CPED1: variants seen among roughly 807,000 people sequenced by gnomAD.
CPED1 encodes the protein cadherin-like and PC-esterase domain-containing protein 1.
Under a neutral mutation model 128.2 loss-of-function variants are expected in CPED1, and 114 were observed. That is an observed-to-expected ratio of 0.89 (90% confidence interval 0.76 to 1.04). The LOEUF (loss-of-function observed/expected upper bound fraction) is 1.04, where lower values mean the gene tolerates loss of function less well. CPED1 is among the 50% of genes least tolerant of loss of function. The pLI, the probability that CPED1 is intolerant of heterozygous loss-of-function variation, is 0.00. For missense variants in CPED1, 1,211 were observed against 1,207.1 expected (o/e 1.00, Z -0.05); for synonymous variants, 462 against 426.7 (o/e 1.08, Z -1.02).
chr7:121,125,580 G>A (rs971031829), intron 8 of CPED1, among the ~76,000 whole-genome samples: 2 of 152,060 alleles, frequency 1.3e-5, no homozygotes, highest in Non-Finnish European at 2.9e-5. Flanking sequence ...CTGTTCCTGG[G>A]TTAGTTTGCT....
chr7:121,179,181 T>C (rs1390668344), intron 16 of CPED1, among the ~76,000 whole-genome samples: 1 of 152,054 alleles, frequency 6.6e-6, no homozygotes, highest in African/African-American at 2.4e-5. Context: ...GGCCTAGTCA[T>C]TTAGAAGGTT....
At chr7:121,086,592 T>C (rs1426247676) in intron 5 of CPED1, among the ~76,000 whole-genome samples, 1 of 152,172 alleles carries the variant, frequency 6.6e-6, no homozygotes, top group Non-Finnish European at 1.5e-5. Flanking sequence ...CAACTCAGAC[T>C]CCTGGGACTG....
chr7:121,170,594 T>C (rs1796630189), intron 16 of CPED1, among the ~76,000 whole-genome samples: 1 of 152,204 alleles, frequency 6.6e-6, no homozygotes, highest in Non-Finnish European at 1.5e-5. Flanking sequence ...GCTACAGTGC[T>C]GATTAAAATA....
Position 121,003,093 on chromosome 7 carries a change from A to G in CPED1, c.250-12572A>G, listed in dbSNP as rs951072295. Among the ~76,000 whole-genome samples, 13 of 152,222 alleles carry G rather than the reference A, an allele frequency of 8.5e-5. 1 individual carries two copies. The highest frequency in any genetic ancestry group is 2.0e-4 in the Admixed American group (3 of 15,274). On this transcript the variant is annotated intron_variant, in intron 2 of 22. Coordinates refer to ENST00000310396, the MANE Select transcript of CPED1 (RefSeq NM_024913.5). ...TGTAAGTTCATTGCGTATTCAGTAT[A>G]GAACTCTCTGTGGTGGTCAGCAGTC...
At chr7:121,265,633 G>A (rs1218649294) in intron 18 of CPED1, among the ~76,000 whole-genome samples, 1 of 152,052 alleles carries the variant, frequency 6.6e-6, no homozygotes, top group African/African-American at 2.4e-5. Flanking sequence ...CACTAGTGCA[G>A]GTTTGAGGCA....
At chr7:121,129,321 A>ATATATACGTATG (rs1795602852) in intron 11 of CPED1, among the ~76,000 whole-genome samples, 1 of 132,260 alleles carries the variant, frequency 7.6e-6, no homozygotes, top group Non-Finnish European at 1.6e-5. Context: ...ACGTATATAT[A>ATATATACGTATG]TATATATATA....
At chr7:121,205,228 C>T (rs1396760677) in intron 16 of CPED1, among the ~76,000 whole-genome samples, 6 of 152,016 alleles carry the variant, frequency 3.9e-5, no homozygotes, top group Non-Finnish European at 7.4e-5. Flanking sequence ...ATTAGAAATA[C>T]TGTCCTTTAT....
intron 12 of CPED1, among the ~76,000 whole-genome samples, chr7:121,131,149 C>T (rs1795656215): frequency 6.6e-6 from 1 of 152,082 alleles, no homozygotes; most frequent in Non-Finnish European, 1.5e-5. Context: ...TTACATTTCA[C>T]TTCTTTCTGC....
chr7:121,146,347 G>A (rs1249643343), intron 16 of CPED1, among the ~76,000 whole-genome samples: 1 of 152,138 alleles, frequency 6.6e-6, no homozygotes, highest in Non-Finnish European at 1.5e-5. Context: ...GAACTCTCAT[G>A]ATTTAATCAC....
rs1051943344 is a variant in CPED1, at chr7:121,146,048, G to T, written c.2055+3907G>T. Among the ~76,000 whole-genome samples the T allele has an allele frequency of 6.6e-5, 10 of 152,028 alleles. 1 individual carries two copies. Among genetic ancestry groups the T allele is most frequent in the Non-Finnish European group, 5.9e-5 (4 of 68,004 alleles). On this transcript the variant is annotated intron_variant, in intron 16 of 22. Coordinates refer to ENST00000310396, the MANE Select transcript of CPED1 (RefSeq NM_024913.5). Reference sequence around the variant, plus strand: ...CATTATTAAATTTTAAATAAACATTGTCTTAACATATTTGTGCTGCTCTAA... The same window carrying T: ...CATTATTAAATTTTAAATAAACATTTTCTTAACATATTTGTGCTGCTCTAA...
chr7:121,153,641 C>T (rs1796210105), intron 16 of CPED1, among the ~76,000 whole-genome samples: 2 of 152,130 alleles, frequency 1.3e-5, no homozygotes, highest in African/African-American at 4.8e-5. Context: ...GTAGCAGAAA[C>T]CATTTTTGAA....
chr7:121,280,199 C>T (rs1334625788), intron 22 of CPED1, among the ~76,000 whole-genome samples: 1 of 152,174 alleles, frequency 6.6e-6, no homozygotes, highest in Non-Finnish European at 1.5e-5. Flanking sequence ...GAGGAATTAG[C>T]TTATGCTAAG....
At chr7:121,204,713 C>A (rs1797480111) in intron 16 of CPED1, among the ~76,000 whole-genome samples, 1 of 152,152 alleles carries the variant, frequency 6.6e-6, no homozygotes, top group African/African-American at 2.4e-5. Context: ...ATAAACAGAA[C>A]ATTACAGCTT....
intron 5 of CPED1, among the ~76,000 whole-genome samples, chr7:121,082,008 G>GTATA (rs1794307390): frequency 1.3e-5 from 2 of 152,084 alleles, no homozygotes; most frequent in South Asian, 4.1e-4. Context: ...ATGTATGTAT[G>GTATA]TTTTGATATG....
At chr7:121,290,720 A>G (rs1242366411) in intron 22 of CPED1, among the ~76,000 whole-genome samples, 84 of 152,214 alleles carry the variant, frequency 5.5e-4, no homozygotes, top group Non-Finnish European at 5.9e-5. Flanking sequence ...TTAGATGGAC[A>G]GATTGCAAAA....
At chr7:121,184,821 G>A (rs1247195173) in intron 16 of CPED1, among the ~76,000 whole-genome samples, 2 of 152,172 alleles carry the variant, frequency 1.3e-5, no homozygotes, top group Admixed American at 1.3e-4. Flanking sequence ...ACAATTGAGT[G>A]TCTTTAACAA....
intron 16 of CPED1, among the ~76,000 whole-genome samples, chr7:121,168,278 C>G (rs532141842): frequency 2.6e-5 from 4 of 152,116 alleles, no homozygotes; most frequent in Non-Finnish European, 5.9e-5. Context: ...TTAAGAAAAC[C>G]TGAAATAATT....
chr7:121,176,232 C>T (rs964695387), intron 16 of CPED1, among the ~76,000 whole-genome samples: 4 of 129,116 alleles, frequency 3.1e-5, no homozygotes, highest in Non-Finnish European at 6.5e-5. Flanking sequence ...CTGGAAATAA[C>T]TTGAATTGCA....
intron 3 of CPED1, among the ~76,000 whole-genome samples, chr7:121,036,980 TG>T (rs1348264641): frequency 3.3e-5 from 5 of 152,172 alleles, no homozygotes; most frequent in Non-Finnish European, 5.9e-5. Context: ...CACTTTTTGA[TG>T]GGACTGTTTG....
Sources: gnomAD v4.1 joint callset for allele counts (sites outside exome capture counted in the v4.1 genomes callset) on GRCh38, gnomAD v4.1.1 for gene constraint, MANE v1.5 for transcripts, NCBI Gene and HGNC (gene_info 2026-07-23, HGNC 2026-07-21) for gene names.